Variants in ANKRD6 observed in about 807,000 individuals in gnomAD.
ANKRD6 encodes the protein ankyrin repeat domain-containing protein 6.
Under a neutral mutation model 82.3 loss-of-function variants are expected in ANKRD6, and 56 were observed. The observed-to-expected ratio is 0.68, with a 90% CI of 0.55 to 0.85. The LOEUF is 0.85. Ranked by LOEUF, ANKRD6 falls within the 40% of genes least tolerant of loss-of-function variation. The pLI, the probability that ANKRD6 is intolerant of heterozygous loss-of-function variation, is 0.00. For synonymous variants in ANKRD6, 347 were observed against 352.1 expected, an observed-to-expected ratio of 0.99 and a Z score of 0.16; for missense variants, 852 against 907.6, an observed-to-expected ratio of 0.94 and a Z score of 0.79.
intron 1 of ANKRD6, among the ~76,000 whole-genome samples, chr6:89,447,937 T>G (rs979916411): frequency 2.7e-5 from 4 of 150,360 alleles, no homozygotes; most frequent in South Asian, 2.1e-4. Context: ...TCCGCCTGCC[T>G]CGGCCTCCCA....
At chr6:89,574,462 A>T (rs1035795782) in intron 2 of ANKRD6, among the ~76,000 whole-genome samples, 19 of 152,228 alleles carry the variant, frequency 1.2e-4, no homozygotes, top group African/African-American at 4.6e-4. Flanking sequence ...GTGATAGCAC[A>T]TGTTGCCATA....
chr6:89,616,819 G>C, intron 8 of ANKRD6, 162 bp downstream of exon 8: 1 of 756,140 alleles, frequency 1.3e-6, no homozygotes, highest in South Asian at 1.5e-5. Flanking sequence ...GACTTGAAGG[G>C]TACCCCTGCT....
chr6:89,526,621 GGGT>G (rs1782534055), intron 1 of ANKRD6, among the ~76,000 whole-genome samples: 2 of 152,158 alleles, frequency 1.3e-5, no homozygotes, highest in Non-Finnish European at 2.9e-5. Context: ...GTATTAGTCA[GGGT>G]TCTCCGAGAA....
At chr6:89,555,701 A>G (rs1044244553) in intron 1 of ANKRD6, among the ~76,000 whole-genome samples, 2 of 152,172 alleles carry the variant, frequency 1.3e-5, no homozygotes, top group Non-Finnish European at 2.9e-5. Flanking sequence ...TGGCCAAGCT[A>G]GGGTGCAGGA....
At chr6:89,507,826 G>A (rs1342778028) in intron 1 of ANKRD6, among the ~76,000 whole-genome samples, 1 of 152,104 alleles carries the variant, frequency 6.6e-6, no homozygotes, top group Non-Finnish European at 1.5e-5. Flanking sequence ...TCCAAAGATA[G>A]CTGCTTCCAA....
At chr6:89,502,517 A>T (rs1004630157) in intron 1 of ANKRD6, among the ~76,000 whole-genome samples, 11 of 138,858 alleles carry the variant, frequency 7.9e-5, no homozygotes, top group Admixed American at 2.1e-4. Context: ...GTTATTATTT[A>T]AAAAAAAAAG....
chr6:89,581,452 A>G (rs1792505899), intron 2 of ANKRD6: 1 of 152,236 alleles, frequency 6.6e-6, no homozygotes, highest in Non-Finnish European at 1.5e-5. Flanking sequence ...TGACCTTTAA[A>G]CACACAGTGC....
At chr6:89,630,146 G>T (rs1807041865) in intron 15 of ANKRD6, among the ~76,000 whole-genome samples, 1 of 152,224 alleles carries the variant, frequency 6.6e-6, no homozygotes, top group Admixed American at 6.5e-5. Context: ...GTAGATTGAG[G>T]CGGGCTGAAG....
At chr6:89,607,398 A>G (rs184517141) in intron 5 of ANKRD6, among the ~76,000 whole-genome samples, 3 of 152,196 alleles carry the variant, frequency 2.0e-5, no homozygotes, top group African/African-American at 7.2e-5. Context: ...AATATAATTA[A>G]TATTAAAATC....
chr6:89,539,199 T>C (rs529737915), intron 1 of ANKRD6, among the ~76,000 whole-genome samples: 8 of 152,298 alleles, frequency 5.3e-5, no homozygotes, highest in Non-Finnish European at 1.0e-4. Flanking sequence ...TTGTCTCATT[T>C]TGAATAAAAA....
intron 1 of ANKRD6, among the ~76,000 whole-genome samples, chr6:89,473,377 T>C (rs1024500941): frequency 6.7e-6 from 1 of 150,288 alleles, no homozygotes; most frequent in East Asian, 2.0e-4. Context: ...CACTCCAGCC[T>C]GGGCGATAGA....
chr6:89,543,831 C>G (rs954003153), intron 1 of ANKRD6, among the ~76,000 whole-genome samples: 3 of 152,218 alleles, frequency 2.0e-5, no homozygotes, highest in Non-Finnish European at 4.4e-5. Flanking sequence ...GCCACAGATC[C>G]TTTGTGGTCA....
At chr6:89,607,450 CAAAG>C (rs1410970614) in intron 5 of ANKRD6, among the ~76,000 whole-genome samples, 2 of 151,966 alleles carry the variant, frequency 1.3e-5, no homozygotes, top group Admixed American at 6.6e-5. Flanking sequence ...AAGAACATCA[CAAAG>C]AGATATAAGA....
At chr6:89,555,854 A>G (rs1786523312) in intron 1 of ANKRD6, among the ~76,000 whole-genome samples, 1 of 151,906 alleles carries the variant, frequency 6.6e-6, no homozygotes, top group South Asian at 2.1e-4. Flanking sequence ...ACACAATCAC[A>G]TTTGTGTTGT....
chr6:89,602,698 C>T, intron 3 of ANKRD6: 1 of 279,820 alleles, frequency 3.6e-6, no homozygotes, highest in Non-Finnish European at 7.0e-6. Context: ...CCCTCACACC[C>T]ACTCTTCACA....
chr6:89,612,323 A>G lies in ANKRD6; in HGVS notation c.469A>G (p.Thr157Ala), dbSNP rs1354070829. Residue 157 changes from threonine (T) to alanine (A), a missense_variant, in exon 6 of 16, where the codon ACG (threonine) becomes GCG (alanine). By Grantham distance (58) the Thr-to-Ala change is moderately conservative. Transcript: ENST00000339746. ...LACQNSHSQSTRVLLLAGSRA... is the reference protein window; with the variant it reads ...LACQNSHSQSARVLLLAGSRA... ...CTGCCAGAACAGCCACTCCCAGAGC[A>G]CGCGCGTCCTCCTGCTGGCCGGGTC... 6.4e-7 allele frequency: 1 copy of G among 1,566,510 alleles called. No individual in the cohort carries two copies.
At chr6:89,533,513 T>C (rs1321778475) in intron 1 of ANKRD6, among the ~76,000 whole-genome samples, 3 of 152,184 alleles carry the variant, frequency 2.0e-5, no homozygotes, top group African/African-American at 4.8e-5. Context: ...TTTGACCTGG[T>C]ACCCTCTTCA....
At chr6:89,545,221 AAAAAAAAAAGAAAAG>A (rs1784937213) in intron 1 of ANKRD6, among the ~76,000 whole-genome samples, 1 of 147,152 alleles carries the variant, frequency 6.8e-6, no homozygotes, top group Non-Finnish European at 1.5e-5. Context: ...TCAAAAAAAA[AAAAAAAAAAGAAAAG>A]AAAAAGGGCT....
At chr6:89,518,288 G>A (rs1476503677) in intron 1 of ANKRD6, among the ~76,000 whole-genome samples, 8 of 152,106 alleles carry the variant, frequency 5.3e-5, no homozygotes, top group Non-Finnish European at 1.0e-4. Context: ...TGTAATCCCA[G>A]CTGCTGCGGA....
Sources: allele counts gnomAD v4.1 joint callset (sites outside exome capture counted in the v4.1 genomes callset), GRCh38; gene constraint gnomAD v4.1.1; transcripts MANE v1.5; gene names NCBI Gene and HGNC (gene_info 2026-07-23, HGNC 2026-07-21).